Variants in SYCP1 observed in about 807,000 individuals in gnomAD.
SYCP1 encodes the protein synaptonemal complex protein 1.
Under a neutral mutation model 153.1 loss-of-function variants are expected in SYCP1, and 64 were observed. That is an observed-to-expected ratio of 0.42 (90% confidence interval 0.34 to 0.51). SYCP1 has a LOEUF of 0.51. SYCP1 is among the 20% of genes least tolerant of loss of function. The pLI is 0.06. For synonymous variants in SYCP1, 384 were observed against 341.8 expected, an observed-to-expected ratio of 1.12 and a Z score of -1.36; for missense variants, 997 against 1,049.0, an observed-to-expected ratio of 0.95 and a Z score of 0.68.
intron 8 of SYCP1, among the ~76,000 whole-genome samples, chr1:114,870,016 TA>T (rs1408165835): frequency 6.6e-6 from 1 of 152,152 alleles, no homozygotes; most frequent in Non-Finnish European, 1.5e-5. Context: ...TATTTTTATT[TA>T]TTTATTTATT....
chr1:114,937,712 C>A (rs1322537657), intron 23 of SYCP1, among the ~76,000 whole-genome samples: 13 of 152,148 alleles, frequency 8.5e-5, no homozygotes, highest in African/African-American at 3.1e-4. Flanking sequence ...AAAAATCAAA[C>A]CACCCCATCA....
chr1:114,857,156 A>AAAAAAAAAAAAAAG (rs774041717), intron 3 of SYCP1, 76 bp from the exon 4 acceptor site: 61 of 921,354 alleles, frequency 6.6e-5, no homozygotes, highest in Middle Eastern at 3.9e-4. Context: ...AAAAAAAAAA[A>AAAAAAAAAAAAAAG]AGAGAAAAAA....
intron 27 of SYCP1, among the ~76,000 whole-genome samples, chr1:114,976,206 C>T (rs1672783375): frequency 6.6e-6 from 1 of 151,724 alleles, no homozygotes; most frequent in African/African-American, 2.4e-5. Context: ...CACTAGAGTA[C>T]CAGGCTTCCT....
At position 114,923,390 on chromosome 1, in the gene SYCP1, G is replaced by C. The variant is rs1165281946; in HGVS notation, c.1719-59G>C. On this transcript the variant is annotated intron_variant, in intron 20 of 31. Coordinates refer to ENST00000369522, the MANE Select transcript of SYCP1 (RefSeq NM_003176.4). ...AAGACTTCCTTATTTTGAGTTATTT[G>C]AGATCTTCTATAGGCCTAATAATTT... 2.8e-6 allele frequency: 4 copies of C among 1,454,334 alleles called. No individual in the cohort carries two copies. The African/African-American group carries it at 5.9e-5, about 21-fold the overall frequency. 90.1% of individuals were successfully genotyped at this position (1,454,334 alleles called of 1,614,324 possible).
intron 27 of SYCP1, among the ~76,000 whole-genome samples, chr1:114,950,656 T>G (rs360676): frequency 0.2 from 30,118 of 151,872 alleles, 3,483 homozygotes; most frequent in Non-Finnish European, 0.26. Flanking sequence ...GTTACTTTTT[T>G]GAAATTTCTT....
chr1:114,875,243 G>A (rs1019085826), intron 9 of SYCP1, among the ~76,000 whole-genome samples: 4 of 150,746 alleles, frequency 2.7e-5, no homozygotes, highest in African/African-American at 9.7e-5. Flanking sequence ...AGGTCCAGTA[G>A]GGTAGAGACT....
intron 27 of SYCP1, among the ~76,000 whole-genome samples, chr1:114,960,518 C>T (rs1255469221): frequency 6.6e-6 from 1 of 152,130 alleles, no homozygotes; most frequent in Non-Finnish European, 1.5e-5. Context: ...AATTTACATT[C>T]CCACCAGCAG....
At chr1:114,898,675 A>T (rs1667221337) in intron 16 of SYCP1, among the ~76,000 whole-genome samples, 1 of 152,216 alleles carries the variant, frequency 6.6e-6, no homozygotes, top group Non-Finnish European at 1.5e-5. Flanking sequence ...TTGCTAAAAA[A>T]ACAAATCATG....
intron 8 of SYCP1, chr1:114,862,969 C>G (rs1664479833): frequency 6.6e-6 from 1 of 152,104 alleles, no homozygotes; most frequent in South Asian, 2.1e-4. Flanking sequence ...TGAACAAAGT[C>G]TCTACTCTTA....
chr1:114,914,985 A>C, intron 20 of SYCP1, among the ~76,000 whole-genome samples: 1 of 152,240 alleles, frequency 6.6e-6, no homozygotes, highest in South Asian at 2.1e-4. Flanking sequence ...CACGAGAGGC[A>C]ACCTGGGCTT....
chr1:114,888,151 C>A (rs750846444), intron 15 of SYCP1, among the ~76,000 whole-genome samples: 1 of 152,006 alleles, frequency 6.6e-6, no homozygotes, highest in South Asian at 2.1e-4. Flanking sequence ...TTCATGGCCA[C>A]GAGAGAGACA....
chr1:114,944,639 G>T (rs765814135), intron 24 of SYCP1, among the ~76,000 whole-genome samples, 184 bp downstream of exon 24: 29 of 151,714 alleles, frequency 1.9e-4, no homozygotes, highest in African/African-American at 2.4e-5. Context: ...GCTATTCTAA[G>T]TATTTGAGTA....
intron 30 of SYCP1, among the ~76,000 whole-genome samples, chr1:114,988,994 C>G (rs1673725298): frequency 6.6e-6 from 1 of 151,832 alleles, no homozygotes; most frequent in African/African-American, 2.4e-5. Context: ...CAATGAGATC[C>G]TGTCTCTACA....
chr1:114,988,540 CT>C (rs1269115898), intron 30 of SYCP1, among the ~76,000 whole-genome samples: 1 of 151,922 alleles, frequency 6.6e-6, no homozygotes, highest in Non-Finnish European at 1.5e-5. Context: ...AAATTATCAA[CT>C]GAGAATTTTA....
intron 30 of SYCP1, among the ~76,000 whole-genome samples, chr1:114,990,037 A>G (rs1424496938): frequency 6.6e-6 from 1 of 151,904 alleles, no homozygotes; most frequent in African/African-American, 2.4e-5. Flanking sequence ...CCCAACAACA[A>G]CAGCATACAT....
At chr1:114,965,442 C>G (rs1018915891) in intron 27 of SYCP1, among the ~76,000 whole-genome samples, 2 of 152,110 alleles carry the variant, frequency 1.3e-5, no homozygotes, top group African/African-American at 4.8e-5. Context: ...TGCTGGTTTT[C>G]AAAGGGAATA....
At chr1:114,967,526 T>G (rs1254474320) in intron 27 of SYCP1, among the ~76,000 whole-genome samples, 1 of 152,198 alleles carries the variant, frequency 6.6e-6, no homozygotes, top group Admixed American at 6.5e-5. Context: ...TTGCTTTCCA[T>G]TTGCTTGGTA....
intron 5 of SYCP1, 78 bp downstream of exon 5, chr1:114,857,575 A>C: frequency 9.9e-7 from 1 of 1,014,916 alleles, no homozygotes; most frequent in East Asian, 2.8e-5. Context: ...TTTCTTTTGA[A>C]GCTTCAAAAG....
chr1:114,857,134 CTCAA>C, intron 3 of SYCP1, 94 bp from the exon 4 acceptor site: 1 of 402,356 alleles, frequency 2.5e-6, no homozygotes, highest in Non-Finnish European at 3.6e-6. Flanking sequence ...TCCTCTCTCT[CTCAA>C]AAAAAAAAAA....
Sources: allele counts gnomAD v4.1 joint callset (sites outside exome capture counted in the v4.1 genomes callset), GRCh38; gene constraint gnomAD v4.1.1; transcripts MANE v1.5; gene names NCBI Gene and HGNC (gene_info 2026-07-23, HGNC 2026-07-21).